Variants in LARS1 observed in about 807,000 individuals in gnomAD.
LARS1 encodes the protein leucyl-tRNA synthetase 1, also known as leucine--tRNA ligase, cytoplasmic.
In LARS1, 100 loss-of-function variants were observed where a neutral mutation model predicts 162.8. The observed-to-expected ratio is 0.61, with a 90% CI of 0.52 to 0.73. The LOEUF is 0.73. LARS1 is among the 30% of genes least tolerant of loss of function. LARS1 has a pLI of 0.00. For synonymous variants in LARS1, 457 were observed against 462.8 expected (o/e 0.99, Z 0.16); for missense variants, 1,258 against 1,408.9 (o/e 0.89, Z 1.71).
At chr5:146,159,558 C>T in intron 7 of LARS1, 88 bp from the exon 8 acceptor site, 2 of 948,012 alleles carry the variant, frequency 2.1e-6, no homozygotes, top group African/African-American at 1.6e-5. Context: ...TAATTTCTTA[C>T]ATGTCTTGCA....
chr5:146,144,745 T>G (rs763523218), intron 15 of LARS1, 36 bp from the exon 16 acceptor site: 1 of 1,535,870 alleles, frequency 6.5e-7, no homozygotes, highest in South Asian at 1.1e-5. Context: ...TTAGATACTA[T>G]GTCAAATCAA....
chr5:146,153,217 G>C lies in LARS1; in HGVS notation c.1241C>G (p.Ala414Gly). Residue 414 changes from alanine to glycine, a missense_variant, in exon 13 of 32, where the codon GCA becomes GGA. Transcript: ENST00000394434. The part of the protein sequence containing the change: ...RDLKKKQALR[A>G]KYGIRDDMVL... ...CATGTCATCTCTAATTCCATATTTT[G>C]CTCGTAAGGCCTACAGAAAAATTTG... 6 of 1,612,446 alleles carry C rather than the reference G, an allele frequency of 3.7e-6. No individual in the cohort carries two copies. Among genetic ancestry groups the C allele is most frequent in the Non-Finnish European group, 5.1e-6 (6 of 1,179,032 alleles).
chr5:146,161,279 G>GA (rs1753765377), intron 6 of LARS1, among the ~76,000 whole-genome samples: 1 of 152,200 alleles, frequency 6.6e-6, no homozygotes, highest in Non-Finnish European at 1.5e-5. Context: ...GCTGACTGAT[G>GA]AGAGAAGTGG....
At chr5:146,163,477 G>A (rs1345775381) in intron 6 of LARS1, among the ~76,000 whole-genome samples, 1 of 152,120 alleles carries the variant, frequency 6.6e-6, no homozygotes. Context: ...CCTGAGGTCA[G>A]GAGTTCAAGA....
rs1005843853 is a variant in LARS1, at chr5:146,172,137, C to T, written c.214-147G>A. On this transcript the variant is annotated intron_variant, in intron 3 of 31. Coordinates refer to ENST00000394434, the MANE Select transcript of LARS1 (RefSeq NM_020117.11). ...TTTTAGGCATCCCAAAACTCACCAACCTAGGAATTACTTTTGAATATGCAT... is the reference window on the plus strand; with the variant it reads ...TTTTAGGCATCCCAAAACTCACCAATCTAGGAATTACTTTTGAATATGCAT... 10 of 679,856 alleles carry T rather than the reference C, an allele frequency of 1.5e-5. No individual in the cohort carries two copies. The African/African-American group carries it at 1.8e-4, about 12-fold the overall frequency. 42.1% of individuals were successfully genotyped at this position (679,856 alleles called of 1,614,324 possible).
At chr5:146,177,359 G>C (rs369561892) in intron 2 of LARS1, among the ~76,000 whole-genome samples, 188 bp downstream of exon 2, 1 of 150,404 alleles carries the variant, frequency 6.6e-6, no homozygotes, top group Non-Finnish European at 1.5e-5. Flanking sequence ...CCAGCTGCTC[G>C]GGAGGCTGAG....
At chr5:146,159,313 A>C (rs936937201) in intron 8 of LARS1, 94 bp downstream of exon 8, 1 of 891,952 alleles carries the variant, frequency 1.1e-6, no homozygotes, top group Non-Finnish European at 1.8e-6. Flanking sequence ...ATCCCTCAGC[A>C]CTACAAAGAA....
rs567663826 is a variant in LARS1 at position 146,169,349 on chromosome 5, T to G, written c.295-1084A>C. 2.6e-5 allele frequency among the ~76,000 whole-genome samples: 4 copies of G among 152,232 alleles called. No homozygotes were observed. The East Asian group carries it at 7.7e-4, about 29-fold the overall frequency. ...CAAAGATGACACCAAGTAAACACTG[T>G]TAAAGTTATGAGAAAAATAAGAAAT... On this transcript the variant is annotated intron_variant, in intron 4 of 31. Coordinates refer to ENST00000394434, the MANE Select transcript of LARS1 (RefSeq NM_020117.11).
At chr5:146,177,728 G>T in intron 1 of LARS1, 63 bp from the exon 2 acceptor site, 1 of 808,442 alleles carries the variant, frequency 1.2e-6, no homozygotes, top group African/African-American at 1.8e-5. Flanking sequence ...AAAAAGAATT[G>T]GGTTCACAGA....
intron 10 of LARS1, among the ~76,000 whole-genome samples, chr5:146,154,814 G>A (rs1259967760): frequency 1.3e-5 from 2 of 152,034 alleles, no homozygotes; most frequent in Non-Finnish European, 2.9e-5. Flanking sequence ...AAATACATAT[G>A]AAGTAAAACA....
intron 15 of LARS1, among the ~76,000 whole-genome samples, chr5:146,146,778 G>A (rs1300456610): frequency 2.0e-5 from 3 of 151,120 alleles, no homozygotes; most frequent in South Asian, 2.1e-4. Context: ...TGGTGGCGCC[G>A]TCTCGACTCA....
Position 146,177,635 on chromosome 5 carries a change from A to T in LARS1, c.37T>A (p.Leu13Met). The change falls in exon 2 of 32, where the codon TTG (leucine) becomes ATG (methionine). Residue 13 changes from leucine (L) to methionine (M), a missense_variant. Physicochemically the swap from Leu to Met is conservative, Grantham distance 15. Coordinates refer to ENST00000394434, the MANE Select transcript of LARS1 (RefSeq NM_020117.11). Reference sequence around the variant, plus strand: ...TGGATTTCTTTCTCAATCTTCTTCAAAAAGTCCACTTTGGCTGTTCCTTTT... The same window carrying T: ...TGGATTTCTTTCTCAATCTTCTTCATAAAGTCCACTTTGGCTGTTCCTTTT... The part of the protein sequence containing the change: ...ERKGTAKVDF[L>M]KKIEKEIQQK... The T allele has an allele frequency of 6.2e-7, 1 of 1,605,974 alleles. No individual in the cohort carries two copies. Among genetic ancestry groups the T allele is most frequent in the Non-Finnish European group, 8.5e-7 (1 of 1,174,178 alleles).
At chr5:146,131,582 C>T (rs1752285669) in intron 23 of LARS1, 1 of 149,842 alleles carries the variant, frequency 6.7e-6, no homozygotes. Context: ...GCCTCAAACT[C>T]CTAGGCTCAA....
At position 146,149,625 on chromosome 5, in the gene LARS1, G is replaced by A. The variant is rs139648263; in HGVS notation, c.1500C>T (p.Asp500=). 1,074 of 1,608,322 alleles carry A rather than the reference G, an allele frequency of 6.7e-4. 2 individuals carry two copies. Among genetic ancestry groups the A allele is most frequent in the Admixed American group, 8.7e-4 (52 of 59,994 alleles). The change falls in exon 15 of 32, where the codon GAC becomes GAT. Residue 500 remains aspartate (D), a synonymous_variant. Coordinates refer to ENST00000394434, the MANE Select transcript of LARS1 (RefSeq NM_020117.11). ...CAGAGCATAGCCTATCACATACAGC[G>A]TCAATCATCTTTTTCTGAATAGTCT... ...VKKTIQKKMI[D]AGDALIYMEP...
At position 146,128,929 on chromosome 5, in the gene LARS1, A is replaced by G. The variant is rs765273832; in HGVS notation, c.2769+49T>C. On this transcript the variant is annotated intron_variant, in intron 26 of 31. Coordinates refer to ENST00000394434, the MANE Select transcript of LARS1 (RefSeq NM_020117.11). Reference sequence around the variant, plus strand: ...ATTATTGTTAAATGTTATCTGATCAATAACTTTTAAGGAATAATCCTTTAA... The same window carrying G: ...ATTATTGTTAAATGTTATCTGATCAGTAACTTTTAAGGAATAATCCTTTAA... The G allele has an allele frequency of 6.0e-6, 9 of 1,509,994 alleles. No homozygotes were observed. The South Asian group carries it at 1.1e-4, about 18-fold the overall frequency. The allele number at this position is 1,509,994 out of a possible 1,614,324, so 93.5% of individuals were successfully genotyped here.
chr5:146,156,368 A>C (rs1561820657), intron 10 of LARS1, among the ~76,000 whole-genome samples: 1 of 152,210 alleles, frequency 6.6e-6, no homozygotes, highest in Non-Finnish European at 1.5e-5. Flanking sequence ...CATTCACTAA[A>C]TGGAATTAAA....
Position 146,159,387 on chromosome 5 carries a change from T to A in LARS1, c.771+20A>T. ...TATTAAGGATTATTATAATAGCTAC[T>A]CTGTCTCACAAATAATCACCTCTCC... On this transcript the variant is annotated intron_variant, in intron 8 of 31. Coordinates refer to ENST00000394434, the MANE Select transcript of LARS1 (RefSeq NM_020117.11). The A allele has an allele frequency of 6.3e-7, 1 of 1,579,958 alleles. No individual in the cohort carries two copies. The highest frequency in any genetic ancestry group is 1.1e-5 in the South Asian group (1 of 89,980).
chr5:146,171,880 A>T, intron 4 of LARS1, 30 bp downstream of exon 4: 1 of 1,542,846 alleles, frequency 6.5e-7, no homozygotes, highest in Non-Finnish European at 8.9e-7. Context: ...AACTAAAAAG[A>T]GTAGAAACCA....
At chr5:146,164,889 A>G (rs1753933821) in intron 5 of LARS1, among the ~76,000 whole-genome samples, 1 of 152,246 alleles carries the variant, frequency 6.6e-6, no homozygotes, top group Admixed American at 6.5e-5. Context: ...ACCAAATGCC[A>G]GAAGTTGAAG....
Sources: allele counts gnomAD v4.1 joint callset (sites outside exome capture counted in the v4.1 genomes callset), GRCh38; gene constraint gnomAD v4.1.1; transcripts MANE v1.5; gene names NCBI Gene and HGNC (gene_info 2026-07-23, HGNC 2026-07-21).